TBC1D22A: variants seen among roughly 807,000 people sequenced by gnomAD.
The protein encoded by TBC1D22A is TBC1 domain family member 22A, also known as putative GTPase activator.
TBC1D22A carries 38 observed loss-of-function variants against 60.2 expected under a neutral mutation model. That is an observed-to-expected ratio of 0.63 (90% CI 0.49 to 0.83). TBC1D22A has a LOEUF of 0.83. Among genes scored for constraint, TBC1D22A ranks in the 40% least tolerant of loss-of-function variants. The pLI is 0.00. For missense variants in TBC1D22A, 628 were observed against 701.0 expected (o/e 0.90, Z 1.18); for synonymous variants, 302 against 281.7 (o/e 1.07, Z -0.72).
At chr22:46,767,011 G>C (rs2083312448) in intron 1 of TBC1D22A, among the ~76,000 whole-genome samples, 1 of 152,162 alleles carries the variant, frequency 6.6e-6, no homozygotes, top group South Asian at 2.1e-4. Flanking sequence ...ACCGATACCT[G>C]GTGTTTATTC....
At chr22:47,074,740 C>G (rs2064133947) in intron 11 of TBC1D22A, among the ~76,000 whole-genome samples, 2 of 152,216 alleles carry the variant, frequency 1.3e-5, no homozygotes, top group Admixed American at 1.3e-4. Flanking sequence ...ATCCTGAGAG[C>G]CATCCTACCG....
intron 4 of TBC1D22A, among the ~76,000 whole-genome samples, chr22:46,814,285 C>T (rs775626518): frequency 6.6e-6 from 1 of 152,166 alleles, no homozygotes; most frequent in Non-Finnish European, 1.5e-5. Context: ...TCATTTCTCA[C>T]AGTAGTCCTG....
intron 12 of TBC1D22A, among the ~76,000 whole-genome samples, chr22:47,158,478 C>G (rs116940386): frequency 0.029 from 4,465 of 152,220 alleles, 122 homozygotes; most frequent in East Asian, 0.11. Flanking sequence ...AGTTCCCCCC[C>G]CAATCTGAAA....
At chr22:46,877,918 C>T (rs1176428676) in intron 4 of TBC1D22A, among the ~76,000 whole-genome samples, 3 of 152,188 alleles carry the variant, frequency 2.0e-5, no homozygotes, top group Non-Finnish European at 4.4e-5. Flanking sequence ...GGGCCCACAG[C>T]CTTACCCCTC....
intron 7 of TBC1D22A, among the ~76,000 whole-genome samples, chr22:46,904,148 TAC>T (rs1569199862): frequency 0.078 from 9,516 of 121,636 alleles, 401 homozygotes; most frequent in East Asian, 0.2. Context: ...TCTATCTACC[TAC>T]CTACCTACCT....
intron 7 of TBC1D22A, among the ~76,000 whole-genome samples, chr22:46,897,640 G>GTTTTTTTGTTTTTTTTTTTTTT: frequency 4.5e-4 from 49 of 108,386 alleles, no homozygotes; most frequent in African/African-American, 1.9e-3. Context: ...GTTTCGTTTT[G>GTTTTTTTGTTTTTTTTTTTTTT]TTTTTTTTTG....
In TBC1D22A at chr22:47,152,919, G is replaced by A. The variant is rs114743081; in HGVS notation, c.1426-20579G>A. Among the ~76,000 whole-genome samples the A allele has an allele frequency of 8.3e-3, 1,262 of 152,178 alleles. 22 individuals carry two copies. The highest frequency in any genetic ancestry group is 0.029 in the African/African-American group (1,203 of 41,500). The stretch of plus-strand genomic sequence containing the variant: ...CGTTAGCTGTGGGAGAAAAGCACTC[G>A]GGCTAATTGGAACGAGGATTGACTG... On this transcript the variant is annotated intron_variant, in intron 12 of 12. Transcript: ENST00000337137.
At chr22:47,032,927 G>A (rs575359224) in intron 10 of TBC1D22A, among the ~76,000 whole-genome samples, 3 of 152,344 alleles carry the variant, frequency 2.0e-5, no homozygotes, top group African/African-American at 7.2e-5. Flanking sequence ...AGGCTGCCCT[G>A]TGTGGCCCCT....
intron 4 of TBC1D22A, among the ~76,000 whole-genome samples, chr22:46,862,424 T>C (rs2087944542): frequency 2.0e-5 from 3 of 152,054 alleles, no homozygotes; most frequent in African/African-American, 7.2e-5. Context: ...GATTTTCTCT[T>C]GCCGTGAGCC....
chr22:47,146,296 G>T (rs897963056), intron 12 of TBC1D22A, among the ~76,000 whole-genome samples: 2 of 152,212 alleles, frequency 1.3e-5, no homozygotes, highest in African/African-American at 2.4e-5. Context: ...CTAGTCCTTG[G>T]GTGGAATTGT....
At chr22:47,149,080 C>A (rs1043067264) in intron 12 of TBC1D22A, among the ~76,000 whole-genome samples, 1 of 152,186 alleles carries the variant, frequency 6.6e-6, no homozygotes, top group Admixed American at 6.5e-5. Flanking sequence ...AGGAAGGAAG[C>A]TGGCATTTGT....
chr22:47,150,206 A>C (rs943703897), intron 12 of TBC1D22A, among the ~76,000 whole-genome samples: 1 of 152,146 alleles, frequency 6.6e-6, no homozygotes, highest in Non-Finnish European at 1.5e-5. Context: ...AGTGGCAGCC[A>C]CAGTCCGGAG....
At chr22:46,980,403 G>A (rs879204182) in intron 9 of TBC1D22A, among the ~76,000 whole-genome samples, 1 of 152,140 alleles carries the variant, frequency 6.6e-6, no homozygotes, top group East Asian at 1.9e-4. Flanking sequence ...GGATGGTCTC[G>A]ATCTCTTGAC....
chr22:46,971,928 C>T (rs4435), intron 8 of TBC1D22A, among the ~76,000 whole-genome samples: 3 of 152,298 alleles, frequency 2.0e-5, no homozygotes, highest in Non-Finnish European at 2.9e-5. Flanking sequence ...AGCCTGCAGC[C>T]CGGCAGGGAG....
intron 11 of TBC1D22A, among the ~76,000 whole-genome samples, chr22:47,076,133 G>C (rs999935268): frequency 6.6e-6 from 1 of 151,830 alleles, no homozygotes; most frequent in Non-Finnish European, 1.5e-5. Context: ...TAGTTGATAA[G>C]CCAACAAACA....
chr22:46,943,051 A>T (rs2072272919), intron 8 of TBC1D22A, among the ~76,000 whole-genome samples: 1 of 152,194 alleles, frequency 6.6e-6, no homozygotes, highest in Non-Finnish European at 1.5e-5. Context: ...TGGCAGCAGG[A>T]AAATGGCGTT....
At chr22:46,793,021 C>T (rs2084488878) in intron 2 of TBC1D22A, among the ~76,000 whole-genome samples, 1 of 152,268 alleles carries the variant, frequency 6.6e-6, no homozygotes. Context: ...CAGGACTGCA[C>T]CTGTCTGACA....
At chr22:46,765,313 A>G (rs1569347716) in intron 1 of TBC1D22A, among the ~76,000 whole-genome samples, 1 of 152,178 alleles carries the variant, frequency 6.6e-6, no homozygotes, top group Non-Finnish European at 1.5e-5. Flanking sequence ...CCGTTTTCCT[A>G]TCAGTAGTGG....
chr22:47,025,314 A>G (rs1449441931), intron 10 of TBC1D22A, among the ~76,000 whole-genome samples: 1 of 152,230 alleles, frequency 6.6e-6, no homozygotes, highest in African/African-American at 2.4e-5. Context: ...TTGCACATGG[A>G]ACATTTACCA....
Sources: allele counts gnomAD v4.1 joint callset (sites outside exome capture counted in the v4.1 genomes callset), GRCh38; gene constraint gnomAD v4.1.1; transcripts MANE v1.5; gene names NCBI Gene and HGNC (gene_info 2026-07-23, HGNC 2026-07-21).